PPP1R37: variants seen among roughly 807,000 people sequenced by gnomAD.
PPP1R37 encodes the protein leucine rich repeat containing 68.
In PPP1R37, 21 loss-of-function variants were observed where a neutral mutation model predicts 61.0. The observed-to-expected ratio is 0.34, with a 90% confidence interval of 0.24 to 0.50. PPP1R37 has a LOEUF of 0.50. Among genes scored for constraint, PPP1R37 ranks in the 20% least tolerant of loss-of-function variants. The pLI, the probability that PPP1R37 is intolerant of heterozygous loss-of-function variation, is 0.98. For missense variants in PPP1R37, 910 were observed against 952.7 expected, an observed-to-expected ratio of 0.96 and a Z score of 0.59; for synonymous variants, 443 against 433.5, an observed-to-expected ratio of 1.02 and a Z score of -0.27.
intron 7 of PPP1R37, chr19:45,142,666 G>A (rs1015920778): frequency 6.0e-5 from 35 of 588,110 alleles, no homozygotes; most frequent in Admixed American, 1.6e-4. Flanking sequence ...GGCGGGGTCC[G>A]ATCAGTCTGG....
intron 1 of PPP1R37, among the ~76,000 whole-genome samples, chr19:45,116,094 T>G (rs1012359620): frequency 3.4e-4 from 52 of 152,298 alleles, no homozygotes; most frequent in African/African-American, 1.2e-3. Context: ...GCCATTGACC[T>G]TACATGCAGC....
chr19:45,124,813 A>AG (rs922842705), intron 1 of PPP1R37, among the ~76,000 whole-genome samples: 9 of 151,450 alleles, frequency 5.9e-5, no homozygotes, highest in African/African-American at 2.2e-4. Context: ...AAAAGAAAAA[A>AG]AAAAAAAACT....
intron 2 of PPP1R37, among the ~76,000 whole-genome samples, chr19:45,138,905 CTTTTTTT>C (rs34081163): frequency 0.032 from 2,354 of 73,044 alleles, 59 homozygotes; most frequent in African/African-American, 0.12. Context: ...TTTATGTATT[CTTTTTTT>C]TTTTTTTTTT....
intron 1 of PPP1R37, among the ~76,000 whole-genome samples, chr19:45,113,285 TG>T (rs1411765608): frequency 6.6e-6 from 1 of 152,188 alleles, no homozygotes; most frequent in Non-Finnish European, 1.5e-5. Flanking sequence ...TAGGGCTGTA[TG>T]GGGGCCACTG....
chr19:45,123,628 G>A (rs2122733222), intron 1 of PPP1R37, among the ~76,000 whole-genome samples: 1 of 152,260 alleles, frequency 6.6e-6, no homozygotes, highest in African/African-American at 2.4e-5. Flanking sequence ...GTAGAGGCTG[G>A]AAATTCTACT....
chr19:45,117,949 C>T (rs748827047), intron 1 of PPP1R37, among the ~76,000 whole-genome samples: 12 of 152,250 alleles, frequency 7.9e-5, no homozygotes, highest in Non-Finnish European at 1.6e-4. Context: ...GCGTGATCCG[C>T]GTTTCTCAGG....
Position 45,093,302 on chromosome 19 carries a change from C to A in PPP1R37, c.-24C>A. 1 of 1,387,898 alleles carries A rather than the reference C, an allele frequency of 7.2e-7. No individual in the cohort carries two copies. The highest frequency in any genetic ancestry group is 9.3e-7 in the Non-Finnish European group (1 of 1,077,528). The allele number at this position is 1,387,898 out of a possible 1,614,324, so 86.0% of individuals were successfully genotyped here. A position where few individuals can be genotyped will look rare whatever the true frequency, so the allele number is the denominator to read the frequency against. On this transcript the variant is annotated 5_prime_UTR_variant, in exon 1 of 13. Coordinates refer to ENST00000221462, the MANE Select transcript of PPP1R37 (RefSeq NM_019121.2). ...GGGGCCCGGGGCATGTCCCCGGGGCCCCCGTGAGGAGGCGGCGGCGGCTAT... is the reference window on the plus strand; with the variant it reads ...GGGGCCCGGGGCATGTCCCCGGGGCACCCGTGAGGAGGCGGCGGCGGCTAT...
Position 45,097,218 on chromosome 19 carries a change from A to G in PPP1R37, c.202+3691A>G, listed in dbSNP as rs927175935. Among the ~76,000 whole-genome samples the G allele has an allele frequency of 6.6e-5, 10 of 151,684 alleles. 1 individual carries two copies. Among genetic ancestry groups the G allele is most frequent in the African/African-American group, 2.2e-4 (9 of 41,242 alleles). On this transcript the variant is annotated intron_variant, in intron 1 of 12. Coordinates refer to ENST00000221462, the MANE Select transcript of PPP1R37 (RefSeq NM_019121.2). ...AGAGGTAGGAGATTTGTTGGCATCA[A>G]TCTCATAAGCTGTGGGGAGGGACAG...
chr19:45,145,436 G>A lies in PPP1R37; in HGVS notation c.1380G>A (p.Glu460=). 6.5e-7 allele frequency: 1 copy of A among 1,535,342 alleles called. No homozygotes were observed. Among genetic ancestry groups the A allele is most frequent in the Non-Finnish European group, 8.7e-7 (1 of 1,146,634 alleles). The part of the protein sequence containing the change: ...GCKRNLVLAR[E]REEKEQPPQL... ...AGCGCAACTTGGTGCTGGCGCGGGAGAGGGAGGAGAAGGAGCAGCCGCCAC... is the reference window on the plus strand; with the variant it reads ...AGCGCAACTTGGTGCTGGCGCGGGAAAGGGAGGAGAAGGAGCAGCCGCCAC... Residue 460 remains glutamate (E), a synonymous_variant, in exon 11 of 13, where the codon GAG becomes GAA. Coordinates refer to ENST00000221462, the MANE Select transcript of PPP1R37 (RefSeq NM_019121.2).
intron 2 of PPP1R37, among the ~76,000 whole-genome samples, chr19:45,139,097 A>G (rs1309282673): frequency 6.6e-6 from 1 of 151,318 alleles, no homozygotes; most frequent in Non-Finnish European, 1.5e-5. Flanking sequence ...TTGTATTTTT[A>G]GTAGAGACGG....
chr19:45,128,247 A>T (rs534070470), intron 1 of PPP1R37, among the ~76,000 whole-genome samples: 1 of 152,318 alleles, frequency 6.6e-6, no homozygotes, highest in East Asian at 1.9e-4. Context: ...AGCTTAGCTA[A>T]TGACAATCCA....
At chr19:45,093,962 G>C (rs966508602) in intron 1 of PPP1R37, among the ~76,000 whole-genome samples, 6 of 152,182 alleles carry the variant, frequency 3.9e-5, no homozygotes, top group Non-Finnish European at 8.8e-5. Flanking sequence ...TTAAGTTGCT[G>C]GTCTGCAAGC....
intron 1 of PPP1R37, among the ~76,000 whole-genome samples, chr19:45,094,098 A>AG (rs2122700931): frequency 6.6e-6 from 1 of 152,326 alleles, no homozygotes; most frequent in South Asian, 2.1e-4. Context: ...AGAGGAGCAG[A>AG]GGTGGTGGTC....
At chr19:45,104,678 C>T (rs1265801705) in intron 1 of PPP1R37, among the ~76,000 whole-genome samples, 1 of 152,092 alleles carries the variant, frequency 6.6e-6, no homozygotes, top group African/African-American at 2.4e-5. Context: ...ACACTTGTGA[C>T]CTCCCTGCTG....
At chr19:45,096,824 G>A (rs1487768247) in intron 1 of PPP1R37, among the ~76,000 whole-genome samples, 2 of 152,172 alleles carry the variant, frequency 1.3e-5, no homozygotes, top group Non-Finnish European at 2.9e-5. Flanking sequence ...GTGATGACAT[G>A]GACTGGACTG....
intron 1 of PPP1R37, among the ~76,000 whole-genome samples, chr19:45,129,774 C>T (rs960215918): frequency 1.3e-5 from 2 of 152,212 alleles, no homozygotes; most frequent in South Asian, 2.1e-4. Flanking sequence ...CTCCCCAAAC[C>T]CCTTTAGATG....
rs571415134 is a variant in PPP1R37, at chr19:45,141,737, C to T, written c.567+296C>T. Among the ~76,000 whole-genome samples the T allele has an allele frequency of 9.2e-5, 14 of 152,348 alleles. No homozygotes were observed. The South Asian group carries it at 2.5e-3, about 27-fold the overall frequency. ...GAGGTGGCCATGGTCGCCATCCCCA[C>T]GTCACTCCTGTGTGAAGGCTGGGTG... On this transcript the variant is annotated intron_variant, in intron 5 of 12. Transcript: ENST00000221462.
intron 1 of PPP1R37, among the ~76,000 whole-genome samples, chr19:45,134,896 A>G (rs1239687786): frequency 6.6e-6 from 1 of 152,026 alleles, no homozygotes; most frequent in Admixed American, 6.6e-5. Context: ...GTGGGGAGTG[A>G]AGGTTGCCAG....
At chr19:45,106,794 T>C (rs1489155235) in intron 1 of PPP1R37, among the ~76,000 whole-genome samples, 3 of 148,598 alleles carry the variant, frequency 2.0e-5, no homozygotes, top group Non-Finnish European at 3.0e-5. Context: ...TTATGGCTAA[T>C]GATGTTGAGC....
Sources: gnomAD v4.1 joint callset for allele counts (sites outside exome capture counted in the v4.1 genomes callset) on GRCh38, gnomAD v4.1.1 for gene constraint, MANE v1.5 for transcripts, NCBI Gene and HGNC (gene_info 2026-07-23, HGNC 2026-07-21) for gene names.